JAZF1: variants seen among roughly 807,000 people sequenced by gnomAD.
The protein encoded by JAZF1 is juxtaposed with another zinc finger protein 1.
JAZF1 carries 8 observed loss-of-function variants against 26.4 expected under a neutral mutation model. The ratio of observed to expected loss-of-function variants is 0.30; its 90% CI spans 0.18 to 0.55. JAZF1 has a LOEUF of 0.55. Ranked by LOEUF, JAZF1 falls within the 20% of genes least tolerant of loss-of-function variation. The pLI is 0.94. For missense variants in JAZF1, 199 were observed against 322.0 expected (o/e 0.62, Z 2.92); for synonymous variants, 126 against 122.3 (o/e 1.03, Z -0.20).
chr7:28,162,558 G>C (rs1477217164), intron 1 of JAZF1, among the ~76,000 whole-genome samples: 1 of 152,190 alleles, frequency 6.6e-6, no homozygotes, highest in African/African-American at 2.4e-5. Flanking sequence ...TACAATACCT[G>C]TCAACAAGCT....
At chr7:28,168,493 C>A (rs1452050488) in intron 1 of JAZF1, among the ~76,000 whole-genome samples, 2 of 151,892 alleles carry the variant, frequency 1.3e-5, no homozygotes, top group East Asian at 3.9e-4. Context: ...AGGGCCTGTA[C>A]TCCAACATGG....
intron 2 of JAZF1, among the ~76,000 whole-genome samples, chr7:27,921,543 T>G (rs1016992463): frequency 1.3e-5 from 2 of 152,232 alleles, no homozygotes; most frequent in African/African-American, 4.8e-5. Flanking sequence ...CTGGCATCGA[T>G]TCTTCCAGAA....
rs1298239341 is a variant in JAZF1 at position 27,954,552 on chromosome 7, AG to A, written c.188+37356del. ...CAGCTTTTCAATATTATGACTAGTC[AG>A]CCCATATATAAAGGTCAAATTCAGC... On this transcript the variant is annotated intron_variant, in intron 2 of 4. Coordinates refer to ENST00000283928, the MANE Select transcript of JAZF1 (RefSeq NM_175061.4). Among the ~76,000 whole-genome samples, 14 of 152,320 alleles carry A rather than the reference AG, an allele frequency of 9.2e-5. No individual in the cohort carries two copies. The East Asian group carries it at 2.7e-3, about 29-fold the overall frequency.
chr7:28,063,066 A>G (rs1389529401), intron 1 of JAZF1, among the ~76,000 whole-genome samples: 6 of 152,234 alleles, frequency 3.9e-5, no homozygotes, highest in African/African-American at 1.4e-4. Flanking sequence ...ATATCATATG[A>G]AAAAATTCCA....
chr7:28,007,620 G>A (rs1467310597), intron 1 of JAZF1, among the ~76,000 whole-genome samples: 1 of 152,144 alleles, frequency 6.6e-6, no homozygotes, highest in African/African-American at 2.4e-5. Flanking sequence ...GGGGCTGGCA[G>A]GCAACTCTCT....
At chr7:28,063,369 T>C (rs1018426170) in intron 1 of JAZF1, among the ~76,000 whole-genome samples, 40 of 152,270 alleles carry the variant, frequency 2.6e-4, no homozygotes, top group African/African-American at 9.6e-4. Context: ...GTAGACTAGG[T>C]ACTGTGATAT....
At chr7:27,887,562 C>G (rs1350879663) in intron 3 of JAZF1, among the ~76,000 whole-genome samples, 1 of 151,860 alleles carries the variant, frequency 6.6e-6, no homozygotes, top group Non-Finnish European at 1.5e-5. Flanking sequence ...ATTACAGGTG[C>G]GCACCAACAT....
At chr7:28,020,576 A>G (rs759037587) in intron 1 of JAZF1, 3 of 471,216 alleles carry the variant, frequency 6.4e-6, no homozygotes, top group South Asian at 1.5e-5. Flanking sequence ...AGGCATGGAC[A>G]TGCATATTCG....
chr7:27,998,790 A>G (rs1786074310), intron 1 of JAZF1, among the ~76,000 whole-genome samples: 1 of 152,252 alleles, frequency 6.6e-6, no homozygotes, highest in Non-Finnish European at 1.5e-5. Flanking sequence ...AATAAACATT[A>G]TTCAACCAAG....
intron 3 of JAZF1, among the ~76,000 whole-genome samples, chr7:27,847,572 T>A (rs1300494637): frequency 6.6e-6 from 1 of 152,164 alleles, no homozygotes; most frequent in Non-Finnish European, 1.5e-5. Flanking sequence ...TGTGCCCTCG[T>A]CAAAAAGCAG....
chr7:28,132,279 T>TAATTTATAA, intron 1 of JAZF1, among the ~76,000 whole-genome samples: 1 of 152,320 alleles, frequency 6.6e-6, no homozygotes, highest in East Asian at 1.9e-4. Context: ...AAGGCTCAGC[T>TAATTTATAA]AATTTATAAT....
chr7:27,863,820 G>C (rs1195471640), intron 3 of JAZF1: 1 of 152,232 alleles, frequency 6.6e-6, no homozygotes, highest in Non-Finnish European at 1.5e-5. Context: ...AAGGCATAGC[G>C]AAGACACACA....
intron 3 of JAZF1, among the ~76,000 whole-genome samples, chr7:27,866,201 T>A (rs897727423): frequency 6.6e-6 from 1 of 152,224 alleles, no homozygotes; most frequent in African/African-American, 2.4e-5. Flanking sequence ...CTTAGTAATT[T>A]TGCTTACTTA....
At chr7:28,177,604 C>CA (rs1314316726) in intron 1 of JAZF1, among the ~76,000 whole-genome samples, 1 of 152,160 alleles carries the variant, frequency 6.6e-6, no homozygotes, top group Non-Finnish European at 1.5e-5. Context: ...CTCTAATACT[C>CA]ACGGTTGCTA....
chr7:28,122,196 A>C (rs1782616337), intron 1 of JAZF1, among the ~76,000 whole-genome samples: 1 of 152,178 alleles, frequency 6.6e-6, no homozygotes, highest in Non-Finnish European at 1.5e-5. Context: ...GTCTGAGCCA[A>C]AACCAAATAC....
chr7:27,998,722 T>G (rs988524487), intron 1 of JAZF1, among the ~76,000 whole-genome samples: 2 of 152,218 alleles, frequency 1.3e-5, no homozygotes, highest in Non-Finnish European at 2.9e-5. Flanking sequence ...ACACCATCTA[T>G]TAAAACAAGC....
chr7:28,027,102 C>A (rs1390681989), intron 1 of JAZF1, among the ~76,000 whole-genome samples: 1 of 152,236 alleles, frequency 6.6e-6, no homozygotes, highest in East Asian at 1.9e-4. Context: ...GCTGGCTTGT[C>A]AGGAGGGGTG....
chr7:28,104,685 A>G (rs1330808534), intron 1 of JAZF1, among the ~76,000 whole-genome samples: 3 of 152,180 alleles, frequency 2.0e-5, no homozygotes, highest in Admixed American at 6.5e-5. Flanking sequence ...AAGGTTGGTA[A>G]CTGAGAATTC....
intron 2 of JAZF1, among the ~76,000 whole-genome samples, chr7:27,939,919 A>T (rs1784817175): frequency 6.6e-6 from 1 of 152,136 alleles, no homozygotes; most frequent in Admixed American, 6.5e-5. Flanking sequence ...CTTTGCATGT[A>T]AGTGACCCTG....
Sources: allele counts gnomAD v4.1 joint callset (sites outside exome capture counted in the v4.1 genomes callset), GRCh38; gene constraint gnomAD v4.1.1; transcripts MANE v1.5; gene names NCBI Gene and HGNC (gene_info 2026-07-23, HGNC 2026-07-21).